The following RBFOX1 variants were observed in gnomAD, a reference collection of about 807,000 sequenced individuals.
RBFOX1 encodes RNA binding protein fox-1 homolog 1.
In RBFOX1, 8 loss-of-function variants were observed where a neutral mutation model predicts 57.7. The ratio of observed to expected loss-of-function variants is 0.14; its 90% CI spans 0.08 to 0.25. RBFOX1 has a LOEUF of 0.25. Ranked by LOEUF, RBFOX1 falls within the 10% of genes least tolerant of loss-of-function variation. The pLI is 1.00. For missense variants in RBFOX1, 611 were observed against 548.5 expected (o/e 1.11, Z -1.14); for synonymous variants, 326 against 222.4 (o/e 1.47, Z -4.15).
chr16:5,262,516 C>A (rs1168266849), intron 1 of RBFOX1, among the ~76,000 whole-genome samples: 1 of 152,206 alleles, frequency 6.6e-6, no homozygotes, highest in African/African-American at 2.4e-5. Flanking sequence ...GGAACTATAT[C>A]ATTGGCTGTC....
chr16:6,220,838 A>T (rs974972269), intron 1 of RBFOX1, among the ~76,000 whole-genome samples: 5 of 152,048 alleles, frequency 3.3e-5, no homozygotes, highest in Non-Finnish European at 7.4e-5. Context: ...TTATGTGCCT[A>T]TGATCATAAT....
chr16:5,781,812 C>T (rs2054332404), intron 3 of RBFOX1, among the ~76,000 whole-genome samples: 1 of 152,222 alleles, frequency 6.6e-6, no homozygotes, highest in East Asian at 1.9e-4. Context: ...TGGTTATCCT[C>T]TATGGCACTG....
intron 2 of RBFOX1, among the ~76,000 whole-genome samples, chr16:6,412,234 A>G (rs1424019745): frequency 6.6e-6 from 1 of 152,226 alleles, no homozygotes; most frequent in African/African-American, 2.4e-5. Context: ...AGAAACATGA[A>G]TCTCACCAGA....
intron 4 of RBFOX1, among the ~76,000 whole-genome samples, chr16:5,998,267 G>A (rs934047558): frequency 2.5e-4 from 38 of 152,150 alleles, no homozygotes; most frequent in African/African-American, 7.5e-4. Flanking sequence ...AGATCTCTTT[G>A]ATAGTCTCTG....
intron 3 of RBFOX1, among the ~76,000 whole-genome samples, chr16:6,925,312 A>T (rs537317090): frequency 6.8e-6 from 1 of 147,532 alleles, no homozygotes; most frequent in South Asian, 2.1e-4. Flanking sequence ...TTTTGTAGAG[A>T]TAGGGTTTCG....
intron 3 of RBFOX1, among the ~76,000 whole-genome samples, chr16:6,917,883 C>T (rs991917024): frequency 6.6e-6 from 1 of 152,122 alleles, no homozygotes; most frequent in Non-Finnish European, 1.5e-5. Context: ...GAAACTGACA[C>T]AAGTCGAAAG....
At chr16:7,691,921 G>A (rs889470001) in intron 14 of RBFOX1, among the ~76,000 whole-genome samples, 30 of 152,154 alleles carry the variant, frequency 2.0e-4, no homozygotes, top group Non-Finnish European at 4.0e-4. Context: ...TCTGTAAATA[G>A]AGGTTATTCT....
intron 1 of RBFOX1, among the ~76,000 whole-genome samples, chr16:6,274,697 T>G (rs1483763144): frequency 1.3e-5 from 2 of 152,200 alleles, no homozygotes; most frequent in African/African-American, 4.8e-5. Context: ...ACTAGGTAAC[T>G]ACACAGGATC....
At chr16:5,473,168 CT>C (rs761136942) in intron 2 of RBFOX1, among the ~76,000 whole-genome samples, 1 of 152,278 alleles carries the variant, frequency 6.6e-6, no homozygotes, top group East Asian at 1.9e-4. Context: ...AATAATATTC[CT>C]TTTTTGTTCT....
At chr16:5,968,094 A>C (rs1456143421) in intron 4 of RBFOX1, among the ~76,000 whole-genome samples, 1 of 152,116 alleles carries the variant, frequency 6.6e-6, no homozygotes, top group East Asian at 1.9e-4. Context: ...TATTTCATTG[A>C]GATAGAGTCT....
At position 6,766,291 on chromosome 16, in the gene RBFOX1, TA is replaced by T. The variant is rs201740796; in HGVS notation, c.-16+111644del. 8.6e-3 allele frequency among the ~76,000 whole-genome samples: 1,310 copies of T among 152,252 alleles called. 7 individuals carry two copies. The highest frequency in any genetic ancestry group is 0.015 in the Non-Finnish European group (1,001 of 68,006). On this transcript the variant is annotated intron_variant, in intron 3 of 15. Coordinates refer to ENST00000550418, the MANE Select transcript of RBFOX1 (RefSeq NM_018723.4). ...CTTTATCTCTTTCCAACAGAAAAAGTAAAGAATTTTTCCTTTTTTATTTAGT... is the reference window on the plus strand; with the variant it reads ...CTTTATCTCTTTCCAACAGAAAAAGTAAGAATTTTTCCTTTTTTATTTAGT...
chr16:7,658,166 ACT>A (rs1359226620), intron 12 of RBFOX1, among the ~76,000 whole-genome samples: 1 of 152,134 alleles, frequency 6.6e-6, no homozygotes, highest in Admixed American at 6.5e-5. Flanking sequence ...GAACTTAGCG[ACT>A]TTATTAACCA....
chr16:6,647,517 G>A (rs2098543505), intron 2 of RBFOX1, among the ~76,000 whole-genome samples: 2 of 152,180 alleles, frequency 1.3e-5, no homozygotes, highest in African/African-American at 4.8e-5. Context: ...CAAAGTGATG[G>A]GATTATAGGC....
At chr16:6,874,616 C>G (rs1423767875) in intron 3 of RBFOX1, among the ~76,000 whole-genome samples, 1 of 150,990 alleles carries the variant, frequency 6.6e-6, no homozygotes, top group African/African-American at 2.4e-5. Flanking sequence ...GAATGGAAAC[C>G]AAACATCTCA....
intron 4 of RBFOX1, among the ~76,000 whole-genome samples, chr16:5,873,317 C>G (rs1456977970): frequency 1.3e-5 from 2 of 152,178 alleles, no homozygotes; most frequent in Non-Finnish European, 2.9e-5. Flanking sequence ...TGACTTAATT[C>G]ACATTGGAGT....
intron 2 of RBFOX1, among the ~76,000 whole-genome samples, chr16:6,417,985 G>GAATA (rs2093671599): frequency 4.3e-5 from 1 of 23,092 alleles, no homozygotes; most frequent in African/African-American, 4.0e-4. Flanking sequence ...TTTTCTGAAA[G>GAATA]AATGAATGAA....
chr16:7,465,761 C>G (rs1012341793), intron 4 of RBFOX1, among the ~76,000 whole-genome samples: 2 of 152,184 alleles, frequency 1.3e-5, no homozygotes, highest in African/African-American at 4.8e-5. Flanking sequence ...GAATCAGAAT[C>G]ACTAATGCTG....
At chr16:6,963,393 C>G (rs1028182548) in intron 3 of RBFOX1, among the ~76,000 whole-genome samples, 109 of 152,062 alleles carry the variant, frequency 7.2e-4, no homozygotes, top group African/African-American at 2.5e-3. Flanking sequence ...CACACACACA[C>G]ACTTGAAATA....
intron 7 of RBFOX1, among the ~76,000 whole-genome samples, chr16:7,587,703 A>G (rs979638750): frequency 6.6e-6 from 1 of 152,204 alleles, no homozygotes; most frequent in African/African-American, 2.4e-5. Context: ...TAGGGGAGAA[A>G]AATCTCATAT....
Sources: gnomAD v4.1 joint callset for allele counts (sites outside exome capture counted in the v4.1 genomes callset) on GRCh38, gnomAD v4.1.1 for gene constraint, MANE v1.5 for transcripts, NCBI Gene and HGNC (gene_info 2026-07-23, HGNC 2026-07-21) for gene names.